Variants in FAM83E observed in about 807,000 individuals in gnomAD.
FAM83E encodes scaffolding CK1 anchoring protein E, also known as protein FAM83E.
In FAM83E, 29 loss-of-function variants were observed where a neutral mutation model predicts 34.3. That is an observed-to-expected ratio of 0.85 (90% CI 0.63 to 1.15). The LOEUF (loss-of-function observed/expected upper bound fraction) is 1.15. Among genes scored for constraint, FAM83E ranks in the 50% most tolerant of loss-of-function variants. The probability of loss-of-function intolerance (pLI) is 0.00; values close to 1 mark genes in which losing one functional copy is unlikely to be tolerated. For missense variants in FAM83E, 697 were observed against 685.0 expected (o/e 1.02, Z -0.20); for synonymous variants, 312 against 311.6 (o/e 1.00, Z -0.01).
chr19:48,602,704 A>AAAAATATATAT (rs1973844092), intron 6 of FAM83E, among the ~76,000 whole-genome samples: 1 of 27,500 alleles, frequency 3.6e-5, no homozygotes, highest in African/African-American at 2.0e-4. Context: ...AAAAAAAAAA[A>AAAAATATATAT]ATATATATAT....
chr19:48,601,855 A>G lies in FAM83E; in HGVS notation c.1177-486T>C, dbSNP rs549094979. On this transcript the variant is annotated intron_variant, in intron 6 of 6. Coordinates refer to ENST00000263266, the MANE Select transcript of FAM83E (RefSeq NM_017708.4). Reference sequence around the variant, plus strand: ...GGAGGGAAGAGAGGAGAGAGGGAGGAGAGAGATGGAGGCCGGACGCGGTGG... The same window carrying G: ...GGAGGGAAGAGAGGAGAGAGGGAGGGGAGAGATGGAGGCCGGACGCGGTGG... Among the ~76,000 whole-genome samples the G allele has an allele frequency of 1.1e-4, 16 of 149,620 alleles. No homozygotes were observed. The East Asian group carries it at 1.6e-3, about 15-fold the overall frequency.
At chr19:48,604,237 C>CA (rs1328202766) in intron 5 of FAM83E, among the ~76,000 whole-genome samples, 1 of 150,258 alleles carries the variant, frequency 6.7e-6, no homozygotes, top group African/African-American at 2.5e-5. Flanking sequence ...TACAAAAAAT[C>CA]AAAAAAACTA....
At position 48,613,481 on chromosome 19, in the gene FAM83E, C is replaced by A; in HGVS notation, c.-109G>T. 4 of 1,431,686 alleles carry A rather than the reference C, an allele frequency of 2.8e-6. No homozygotes were observed. The highest frequency in any genetic ancestry group is 2.8e-5 in the Admixed American group (1 of 35,378). The allele number at this position is 1,431,686 out of a possible 1,614,324, so 88.7% of individuals were successfully genotyped here. A position where few individuals can be genotyped will look rare whatever the true frequency, so the allele number is the denominator to read the frequency against. Reference sequence around the variant, plus strand: ...GGGTTCTCCTGATAGGCAGACCCTACGTGGCCATCCGAGGCCTCCGGCGGG... The same window carrying A: ...GGGTTCTCCTGATAGGCAGACCCTAAGTGGCCATCCGAGGCCTCCGGCGGG... On this transcript the variant is annotated 5_prime_UTR_variant, in exon 3 of 7. Transcript: ENST00000263266.
At position 48,600,923 on chromosome 19, in the gene FAM83E, G is replaced by A. The variant is rs939617054; in HGVS notation, c.*186C>T. On this transcript the variant is annotated 3_prime_UTR_variant, in exon 7 of 7. Coordinates refer to ENST00000263266, the MANE Select transcript of FAM83E (RefSeq NM_017708.4). Reference sequence around the variant, plus strand: ...CCACCTTAGCCTCCCAAAGTGCAGGGATTACAGGCATGAGCCACCACTCCC... The same window carrying A: ...CCACCTTAGCCTCCCAAAGTGCAGGAATTACAGGCATGAGCCACCACTCCC... 1.4e-5 allele frequency: 19 copies of A among 1,325,482 alleles called. No individual in the cohort carries two copies. In the Admixed American group the frequency reaches 2.3e-4, roughly 16 times the overall value. 82.1% of individuals were successfully genotyped at this position (1,325,482 alleles called of 1,614,324 possible).
intron 3 of FAM83E, 125 bp downstream of exon 3, chr19:48,612,783 G>T: frequency 8.7e-7 from 1 of 1,146,166 alleles, no homozygotes; most frequent in Non-Finnish European, 1.2e-6. Flanking sequence ...GCACTCCTGG[G>T]TCCCAGGGGT....
chr19:48,603,356 T>C (rs1292313581), intron 6 of FAM83E, 138 bp downstream of exon 6: 3 of 763,048 alleles, frequency 3.9e-6, no homozygotes, highest in Non-Finnish European at 5.5e-6. Flanking sequence ...GATGCCATTA[T>C]GAATTTAGGG....
Position 48,603,891 on chromosome 19 carries a change from C to T in FAM83E, c.779G>A (p.Arg260His), listed in dbSNP as rs1202166849. 1.2e-6 allele frequency: 2 copies of T among 1,602,430 alleles called. No individual in the cohort carries two copies. Among genetic ancestry groups the T allele is most frequent in the Non-Finnish European group, 1.7e-6 (2 of 1,174,600 alleles). ...CAGGGTCACCAGGCCTCGGTGCAGG[C>T]GTGCGTCACTCCACGTGAAGCTGGG... ...GSYSFTWSDA[R>H]LHRGLVTLLT... Residue 260 changes from arginine (R) to histidine (H), a missense_variant, in exon 6 of 7, where the codon CGC becomes CAC. Transcript: ENST00000263266.
In FAM83E at chr19:48,613,213, C is replaced by T. The variant is rs1292088606; in HGVS notation, c.160G>A (p.Glu54Lys). 1.9e-6 allele frequency: 3 copies of T among 1,611,166 alleles called. No individual in the cohort carries two copies. The highest frequency in any genetic ancestry group is 2.5e-6 in the Non-Finnish European group (3 of 1,179,928). ...EAFQTCVQRE[E>K]LWPFLSADEV... ...TCCGCACTGAGGAAGGGCCACAGCT[C>T]CTCGCGCTGCACGCAGGTCTGGAAC... Residue 54 changes from glutamate (E) to lysine (K), a missense_variant, in exon 3 of 7, where the codon GAG (glutamate) becomes AAG (lysine). Physicochemically the swap from Glu to Lys is moderately conservative, Grantham distance 56 (BLOSUM62 1). Transcript: ENST00000263266.
At chr19:48,606,779 G>A (rs1222346163) in intron 5 of FAM83E, 5 of 623,136 alleles carry the variant, frequency 8.0e-6, no homozygotes, top group South Asian at 4.2e-5. Flanking sequence ...GCAGCCACCC[G>A]CTCACCTCCA....
At position 48,613,578 on chromosome 19, in the gene FAM83E, T is replaced by C; in HGVS notation, c.-206A>G. On this transcript the variant is annotated 5_prime_UTR_variant, in exon 3 of 7. Coordinates refer to ENST00000263266, the MANE Select transcript of FAM83E (RefSeq NM_017708.4). ...TGTTCTGACAATCACGCTGCCCAAA[T>C]AAGCGACCATCCAATGTGTCAGGCC... The C allele has an allele frequency of 2.9e-6, 4 of 1,399,330 alleles. No homozygotes were observed. Among genetic ancestry groups the C allele is most frequent in the Non-Finnish European group, 3.7e-6 (4 of 1,081,484 alleles). The allele number at this position is 1,399,330 out of a possible 1,614,324, so 86.7% of individuals were successfully genotyped here.
In FAM83E at chr19:48,601,233, C is replaced by T. The variant is rs748622195; in HGVS notation, c.1313G>A (p.Arg438His). ...TCGGGCTGGGGACAGATAGCGGAGG[C>T]GGTGGGCGGGGGGCAGGGGCAGGGC... ...GGALPLPPAHRLRYLSPARRR... is the reference protein window; with the variant it reads ...GGALPLPPAHHLRYLSPARRR... Residue 438 changes from arginine (R) to histidine (H), a missense_variant, in exon 7 of 7, where the codon CGC becomes CAC. Transcript: ENST00000263266. 20 of 1,607,020 alleles carry T rather than the reference C, an allele frequency of 1.2e-5. No individual in the cohort carries two copies. The highest frequency in any genetic ancestry group is 1.7e-4 in the Middle Eastern group (1 of 6,032).
chr19:48,614,680 A>T, intron 2 of FAM83E, 28 bp downstream of exon 2: 6 of 940,416 alleles, frequency 6.4e-6, no homozygotes, highest in Non-Finnish European at 6.2e-6. Context: ...CCCCACCCTC[A>T]CCCATCCCCC....
Position 48,600,019 on chromosome 19 carries a change from G to A in FAM83E, c.*1090C>T, listed in dbSNP as rs572137431. ...GGTAAACGGGAGCTCCGGCAGACCCGCCCTCTCAGCGCCCACAGAAAGTCC... is the reference window on the plus strand; with the variant it reads ...GGTAAACGGGAGCTCCGGCAGACCCACCCTCTCAGCGCCCACAGAAAGTCC... On this transcript the variant is annotated 3_prime_UTR_variant, in exon 7 of 7. Coordinates refer to ENST00000263266, the MANE Select transcript of FAM83E (RefSeq NM_017708.4). Among the ~76,000 whole-genome samples the A allele has an allele frequency of 4.6e-5, 7 of 152,246 alleles. No homozygotes were observed. The highest frequency in any genetic ancestry group is 1.7e-4 in the African/African-American group (7 of 41,560).
At chr19:48,606,968 G>A (rs758841631) in intron 5 of FAM83E, 25 of 1,600,648 alleles carry the variant, frequency 1.6e-5, no homozygotes, top group South Asian at 1.4e-4. Context: ...GGTCAACGCC[G>A]CCAGGCCGCC....
rs443527 is a variant in FAM83E, at chr19:48,613,503, C to G, written c.-131G>C. 0.3 allele frequency: 425,561 copies of G among 1,427,710 alleles called. 76,566 individuals are homozygous for G. Among genetic ancestry groups the G allele is most frequent in the East Asian group, 0.76 (30,409 of 39,798 alleles). The allele number at this position is 1,427,710 out of a possible 1,614,324, so 88.4% of individuals were successfully genotyped here. A position where few individuals can be genotyped will look rare whatever the true frequency, so the allele number is the denominator to read the frequency against. ...CTACGTGGCCATCCGAGGCCTCCGG[C>G]GGGGCCCTGCAGATGTCCAAATGGC... On this transcript the variant is annotated 5_prime_UTR_variant, in exon 3 of 7. Transcript: ENST00000263266.
In FAM83E at chr19:48,600,918, G is replaced by T; in HGVS notation, c.*191C>A. ...CCCTCCCACCTTAGCCTCCCAAAGT[G>T]CAGGGATTACAGGCATGAGCCACCA... On this transcript the variant is annotated 3_prime_UTR_variant, in exon 7 of 7. Transcript: ENST00000263266. The T allele has an allele frequency of 7.8e-7, 1 of 1,282,552 alleles. No homozygotes were observed. The highest frequency in any genetic ancestry group is 1.8e-5 in the South Asian group (1 of 55,828). 79.4% of individuals were successfully genotyped at this position (1,282,552 alleles called of 1,614,324 possible). A position where few individuals can be genotyped will look rare whatever the true frequency, so the allele number is the denominator to read the frequency against.
rs1347290391 is a variant in FAM83E, at chr19:48,605,240, G to A, written c.759-1329C>T. Among the ~76,000 whole-genome samples, 6 of 151,962 alleles carry A rather than the reference G, an allele frequency of 3.9e-5. No individual in the cohort carries two copies. The East Asian group carries it at 7.8e-4, about 20-fold the overall frequency. On this transcript the variant is annotated intron_variant, in intron 5 of 6. Transcript: ENST00000263266. ...CCTGGCTGTGCACCAAGCTCTCCAC[G>A]TTGCTGCTCCCTGCAGTGCTCATCT...
chr19:48,611,031 G>T (rs59566152), intron 3 of FAM83E, among the ~76,000 whole-genome samples, 184 bp from the exon 4 acceptor site: 12,642 of 152,148 alleles, frequency 0.083, 672 homozygotes, highest in Admixed American at 0.16. Context: ...CAGCACCTAC[G>T]TGTGAATGAG....
rs1453189631 is a variant in FAM83E, at chr19:48,614,122, G to A, written c.-750C>T. 1 of 985,594 alleles carries A rather than the reference G, an allele frequency of 1.0e-6. No individual in the cohort carries two copies. Among genetic ancestry groups the A allele is most frequent in the Non-Finnish European group, 1.2e-6 (1 of 830,166 alleles). The allele number at this position is 985,594 out of a possible 1,614,324, so 61.1% of individuals were successfully genotyped here. On this transcript the variant is annotated 5_prime_UTR_variant, in exon 3 of 7. Transcript: ENST00000263266. ...CTGGGCCTGCTCGCTCAGCCTTAAA[G>A]GCCGAAGGCTTGGCAAACCCTTCCC...
Sources: gnomAD v4.1 joint callset for allele counts (sites outside exome capture counted in the v4.1 genomes callset) on GRCh38, gnomAD v4.1.1 for gene constraint, MANE v1.5 for transcripts, NCBI Gene and HGNC (gene_info 2026-07-23, HGNC 2026-07-21) for gene names.